The following PLD1 variants were observed in gnomAD, a reference collection of about 807,000 sequenced individuals.
PLD1 encodes the protein choline phosphatase 1.
A neutral mutation model predicts 137.1 loss-of-function variants in PLD1; 112 were observed. The ratio of observed to expected loss-of-function variants is 0.82; its 90% CI spans 0.70 to 0.96. The LOEUF (loss-of-function observed/expected upper bound fraction) is 0.96, where lower values mean the gene tolerates loss of function less well. Ranked by LOEUF, PLD1 falls within the 40% of genes least tolerant of loss-of-function variation. The pLI, the probability that PLD1 is intolerant of heterozygous loss-of-function variation, is 0.00. For synonymous variants in PLD1, 431 were observed against 454.7 expected (o/e 0.95, Z 0.66); for missense variants, 1,321 against 1,342.0 (o/e 0.98, Z 0.24).
intron 23 of PLD1, 56 bp from the exon 24 acceptor site, chr3:171,620,576 C>T (rs964951893): frequency 1.5e-4 from 158 of 1,042,592 alleles, no homozygotes; most frequent in Non-Finnish European, 2.1e-4. Context: ...AATAAACGTA[C>T]ATTAAATCTT....
chr3:171,674,155 A>C (rs890633720), intron 19 of PLD1, among the ~76,000 whole-genome samples: 9 of 152,242 alleles, frequency 5.9e-5, no homozygotes, highest in Admixed American at 1.3e-4. Flanking sequence ...CTAGCTTCCT[A>C]GCTGCTAAGT....
chr3:171,746,851 A>G (rs1405039770), intron 1 of PLD1, among the ~76,000 whole-genome samples: 1 of 152,258 alleles, frequency 6.6e-6, no homozygotes, highest in East Asian at 1.9e-4. Flanking sequence ...CCAAGACAGC[A>G]CTGGCAACCA....
chr3:171,673,439 G>A (rs963514154), intron 19 of PLD1, among the ~76,000 whole-genome samples: 4 of 151,868 alleles, frequency 2.6e-5, no homozygotes, highest in Admixed American at 6.6e-5. Flanking sequence ...ACGCTACCAC[G>A]CCCAGCTAAT....
At chr3:171,673,395 C>G (rs777103099) in intron 19 of PLD1, among the ~76,000 whole-genome samples, 24 of 151,838 alleles carry the variant, frequency 1.6e-4, no homozygotes, top group Non-Finnish European at 1.3e-4. Flanking sequence ...GATTCTCCTG[C>G]CTCAGCCTCC....
intron 23 of PLD1, among the ~76,000 whole-genome samples, chr3:171,625,932 A>C (rs1207406963): frequency 1.3e-5 from 2 of 152,192 alleles, no homozygotes; most frequent in Non-Finnish European, 2.9e-5. Context: ...GGAAACTCTA[A>C]AAAGCAGAGC....
At chr3:171,662,528 C>G (rs143388873) in intron 19 of PLD1, among the ~76,000 whole-genome samples, 91 of 152,204 alleles carry the variant, frequency 6.0e-4, no homozygotes, top group African/African-American at 2.0e-3. Context: ...GTATGGTAAC[C>G]ATTTGTATTC....
intron 16 of PLD1, among the ~76,000 whole-genome samples, chr3:171,685,007 A>G (rs1311887278): frequency 2.0e-5 from 3 of 152,272 alleles, no homozygotes; most frequent in African/African-American, 7.2e-5. Context: ...TTTAAAATGC[A>G]GCGTAGCTGG....
At chr3:171,620,774 T>A (rs1350559359) in intron 23 of PLD1, among the ~76,000 whole-genome samples, 5 of 137,698 alleles carry the variant, frequency 3.6e-5, no homozygotes, top group Non-Finnish European at 7.6e-5. Flanking sequence ...ATATATTATA[T>A]ATATTTTTTT....
intron 11 of PLD1, among the ~76,000 whole-genome samples, chr3:171,707,046 CT>C (rs1716750035): frequency 6.6e-6 from 1 of 152,130 alleles, no homozygotes; most frequent in South Asian, 2.1e-4. Context: ...GGCCATTATC[CT>C]TAGAAAACTA....
chr3:171,711,552 G>C (rs6798723), intron 9 of PLD1, among the ~76,000 whole-genome samples: 76,843 of 151,706 alleles, frequency 0.51, 20,411 homozygotes, highest in African/African-American at 0.67. Flanking sequence ...TTTGTTCATC[G>C]ATTCCTATTA....
intron 26 of PLD1, among the ~76,000 whole-genome samples, chr3:171,604,466 A>C (rs192382244): frequency 3.3e-5 from 5 of 152,044 alleles, no homozygotes; most frequent in Admixed American, 2.0e-4. Flanking sequence ...AAAGAGGTTC[A>C]CGTCTGTCCC....
At chr3:171,721,389 T>C (rs1718117139) in intron 8 of PLD1, 1 of 152,274 alleles carries the variant, frequency 6.6e-6, no homozygotes, top group Non-Finnish European at 1.5e-5. Flanking sequence ...GTAAGCCAGC[T>C]AAGGAGTTCT....
At chr3:171,708,980 A>T (rs1309833705) in intron 10 of PLD1, 142 bp from the exon 11 acceptor site, 7 of 594,426 alleles carry the variant, frequency 1.2e-5, no homozygotes, top group Non-Finnish European at 2.1e-5. Flanking sequence ...GGACCTGGAA[A>T]ACAAGGATTG....
intron 11 of PLD1, among the ~76,000 whole-genome samples, chr3:171,708,339 G>C (rs6806023): frequency 6.6e-6 from 1 of 151,826 alleles, no homozygotes; most frequent in Non-Finnish European, 1.5e-5. Context: ...ATATTTTTAC[G>C]GTAACAGGCA....
At chr3:171,614,650 G>A (rs1188802928) in intron 24 of PLD1, among the ~76,000 whole-genome samples, 1 of 152,220 alleles carries the variant, frequency 6.6e-6, no homozygotes, top group East Asian at 1.9e-4. Flanking sequence ...CGCCCCATGT[G>A]TGAACTGTAG....
At chr3:171,786,151 G>A (rs748348434) in intron 1 of PLD1, among the ~76,000 whole-genome samples, 8 of 152,238 alleles carry the variant, frequency 5.3e-5, no homozygotes, top group Middle Eastern at 3.4e-3. Flanking sequence ...ATGTAGGTTC[G>A]TGGCACATTT....
intron 22 of PLD1, among the ~76,000 whole-genome samples, chr3:171,643,947 A>T (rs1293835088): frequency 6.6e-6 from 1 of 151,524 alleles, no homozygotes. Context: ...AAAGAGGATT[A>T]AAAAAAAATT....
At chr3:171,735,399 G>A in intron 4 of PLD1, 93 bp downstream of exon 4, 1 of 1,035,530 alleles carries the variant, frequency 9.7e-7, no homozygotes, top group Non-Finnish European at 1.5e-6. Flanking sequence ...GCCTCCCAAA[G>A]TGGTGAGATT....
At position 171,620,377 on chromosome 3, in the gene PLD1, T is replaced by C. The variant is rs764651734; in HGVS notation, c.2728+9A>G. Reference sequence around the variant, plus strand: ...AGGAATACAATTATAGACCATATACTGTACTTACCAATAATAACAGTGTTA... The same window carrying C: ...AGGAATACAATTATAGACCATATACCGTACTTACCAATAATAACAGTGTTA... On this transcript the variant is annotated intron_variant, in intron 24 of 26. Transcript: ENST00000351298. 4.2e-5 allele frequency: 66 copies of C among 1,580,682 alleles called. No individual in the cohort carries two copies. The highest frequency in any genetic ancestry group is 5.4e-5 in the Non-Finnish European group (62 of 1,156,066).
Sources: allele counts gnomAD v4.1 joint callset (sites outside exome capture counted in the v4.1 genomes callset), GRCh38; gene constraint gnomAD v4.1.1; transcripts MANE v1.5; gene names NCBI Gene and HGNC (gene_info 2026-07-23, HGNC 2026-07-21).